Variants in PTPN13 observed in about 807,000 individuals in gnomAD.
The protein encoded by PTPN13 is protein tyrosine phosphatase non-receptor type 13.
PTPN13 carries 191 observed loss-of-function variants against 284.0 expected under a neutral mutation model. The ratio of observed to expected loss-of-function variants is 0.67; its 90% CI spans 0.60 to 0.76. The LOEUF is 0.76. Ranked by LOEUF, PTPN13 falls within the 30% of genes least tolerant of loss-of-function variation. The probability of loss-of-function intolerance (pLI) is 0.00; values close to 1 mark genes in which losing one functional copy is unlikely to be tolerated. For synonymous variants in PTPN13, 986 were observed against 1,022.3 expected, an observed-to-expected ratio of 0.96 and a Z score of 0.68; for missense variants, 2,797 against 2,939.9, an observed-to-expected ratio of 0.95 and a Z score of 1.12.
At chr4:86,674,832 A>T (rs1410928664) in intron 3 of PTPN13, among the ~76,000 whole-genome samples, 1 of 152,194 alleles carries the variant, frequency 6.6e-6, no homozygotes, top group Non-Finnish European at 1.5e-5. Context: ...GATAGTATAC[A>T]TATATAGTTA....
At chr4:86,618,081 T>A (rs1720775852) in intron 1 of PTPN13, among the ~76,000 whole-genome samples, 1 of 152,324 alleles carries the variant, frequency 6.6e-6, no homozygotes, top group South Asian at 2.1e-4. Context: ...AAATCTTTAA[T>A]CCATCTTGAA....
intron 10 of PTPN13, among the ~76,000 whole-genome samples, chr4:86,728,483 T>G (rs966806674): frequency 5.4e-5 from 8 of 148,068 alleles, no homozygotes; most frequent in African/African-American, 1.2e-4. Context: ...ACTTCCTTTA[T>G]GAATCTGGGT....
chr4:86,766,630 G>A, intron 27 of PTPN13, 113 bp downstream of exon 27: 1 of 690,252 alleles, frequency 1.4e-6, no homozygotes, highest in Admixed American at 3.8e-5. Context: ...AAGAAACCAA[G>A]CCTGATATAT....
chr4:86,595,119 A>G lies in PTPN13; in HGVS notation c.-6+330A>G, dbSNP rs753523369. On this transcript the variant is annotated intron_variant, in intron 1 of 47. Transcript: ENST00000411767. ...AGATTGTGGGGTAATAGGGAGTGAC[A>G]TTGCCCCGTCGTGCTTGCACAGCTC... 3.5e-4 allele frequency among the ~76,000 whole-genome samples: 54 copies of G among 152,166 alleles called. 1 individual carries two copies. The highest frequency in any genetic ancestry group is 5.6e-4 in the Non-Finnish European group (38 of 67,992).
At chr4:86,704,028 A>G (rs1731453100) in intron 7 of PTPN13, among the ~76,000 whole-genome samples, 1 of 151,968 alleles carries the variant, frequency 6.6e-6, no homozygotes, top group Non-Finnish European at 1.5e-5. Flanking sequence ...AAATACAAAA[A>G]TTAGCCAGGC....
intron 2 of PTPN13, among the ~76,000 whole-genome samples, chr4:86,668,669 T>C (rs1404243227): frequency 6.6e-6 from 1 of 151,820 alleles, no homozygotes; most frequent in African/African-American, 2.4e-5. Context: ...GATCTTGGCT[T>C]ACTGCAACCT....
chr4:86,776,971 C>T (rs761806014), intron 35 of PTPN13, among the ~76,000 whole-genome samples: 3 of 152,202 alleles, frequency 2.0e-5, no homozygotes, highest in Non-Finnish European at 4.4e-5. Flanking sequence ...ATTAATCCCA[C>T]TGGAACTTCA....
chr4:86,595,721 G>C (rs1763630410), intron 1 of PTPN13: 1 of 985,548 alleles, frequency 1.0e-6, no homozygotes, highest in African/African-American at 1.7e-5. Context: ...GGGGCAATCG[G>C]GTTTGTTTTC....
At chr4:86,731,478 G>A (rs746899837) in intron 10 of PTPN13, among the ~76,000 whole-genome samples, 1 of 152,156 alleles carries the variant, frequency 6.6e-6, no homozygotes, top group Non-Finnish European at 1.5e-5. Context: ...GGGGACATTG[G>A]CAGGGGTCAG....
chr4:86,714,660 T>G (rs1401518800), intron 7 of PTPN13, among the ~76,000 whole-genome samples: 3 of 152,192 alleles, frequency 2.0e-5, no homozygotes, highest in African/African-American at 7.2e-5. Flanking sequence ...CCTCTCTGAT[T>G]TGGCCTCTGA....
chr4:86,653,475 A>G (rs1578343283), intron 2 of PTPN13, among the ~76,000 whole-genome samples: 1 of 150,536 alleles, frequency 6.6e-6, no homozygotes, highest in East Asian at 1.9e-4. Flanking sequence ...GGGCGCCCTA[A>G]GCTCCGGAGC....
Position 86,775,166 on chromosome 4 carries a change from T to G in PTPN13, c.5509-5T>G. 6.4e-7 allele frequency: 1 copy of G among 1,572,808 alleles called. No individual in the cohort carries two copies. The highest frequency in any genetic ancestry group is 8.6e-7 in the Non-Finnish European group (1 of 1,163,426). ...TCTTCACATGCCCCTTTCTTGTTTT[T>G]GTAGGTTAATGATACAGATGTTACT... On this transcript the variant is annotated splice_polypyrimidine_tract_variant and splice_region_variant and intron_variant, in intron 33 of 47. Transcript: ENST00000411767.
intron 40 of PTPN13, among the ~76,000 whole-genome samples, chr4:86,791,571 G>A (rs1013219009): frequency 1.3e-5 from 2 of 152,198 alleles, no homozygotes; most frequent in Non-Finnish European, 2.9e-5. Context: ...TGATCCCCGT[G>A]TAGCCTGACT....
At chr4:86,671,849 A>G (rs1326160531) in intron 2 of PTPN13, among the ~76,000 whole-genome samples, 3 of 152,354 alleles carry the variant, frequency 2.0e-5, no homozygotes, top group Non-Finnish European at 4.4e-5. Context: ...TCAGAACACT[A>G]TAGTCTAAAT....
At chr4:86,672,878 A>T (rs185892966) in intron 3 of PTPN13, among the ~76,000 whole-genome samples, 1 of 152,222 alleles carries the variant, frequency 6.6e-6, no homozygotes, top group South Asian at 2.1e-4. Flanking sequence ...TGTAACAGCA[A>T]TCCTCATCCT....
chr4:86,796,046 A>G (rs1356415859), intron 40 of PTPN13, among the ~76,000 whole-genome samples: 2 of 152,230 alleles, frequency 1.3e-5, no homozygotes, highest in Non-Finnish European at 2.9e-5. Context: ...AATAGAAAAA[A>G]TAATACAATT....
intron 1 of PTPN13, among the ~76,000 whole-genome samples, chr4:86,625,131 C>T (rs1721685302): frequency 6.6e-6 from 1 of 152,110 alleles, no homozygotes; most frequent in African/African-American, 2.4e-5. Context: ...AAGGTAATCA[C>T]TCTCTAATCT....
At chr4:86,607,791 T>G (rs1347862067) in intron 1 of PTPN13, among the ~76,000 whole-genome samples, 1 of 152,040 alleles carries the variant, frequency 6.6e-6, no homozygotes, top group Non-Finnish European at 1.5e-5. Context: ...CAATGATATA[T>G]TTTCCTTTTA....
At chr4:86,614,083 C>A (rs1720265535) in intron 1 of PTPN13, among the ~76,000 whole-genome samples, 1 of 152,088 alleles carries the variant, frequency 6.6e-6, no homozygotes. Flanking sequence ...AAATAAGCAC[C>A]ATGGCATTTA....
Sources: allele counts gnomAD v4.1 joint callset (sites outside exome capture counted in the v4.1 genomes callset), GRCh38; gene constraint gnomAD v4.1.1; transcripts MANE v1.5; gene names NCBI Gene and HGNC (gene_info 2026-07-23, HGNC 2026-07-21).